GALNT16: variants seen among roughly 807,000 people sequenced by gnomAD.
GALNT16 encodes UDP-GalNAc:polypeptide N-acetylgalactosaminyltransferase-like protein 1.
GALNT16 carries 40 observed loss-of-function variants against 76.1 expected under a neutral mutation model. The ratio of observed to expected loss-of-function variants is 0.53; its 90% CI spans 0.41 to 0.68. GALNT16 has a LOEUF of 0.68. Ranked by LOEUF, GALNT16 falls within the 30% of genes least tolerant of loss-of-function variation. The pLI is 0.00. For missense variants in GALNT16, 621 were observed against 731.9 expected, an observed-to-expected ratio of 0.85 and a Z score of 1.75; for synonymous variants, 276 against 285.2, an observed-to-expected ratio of 0.97 and a Z score of 0.32.
At chr14:69,329,093 C>T (rs2045322010) in intron 6 of GALNT16, among the ~76,000 whole-genome samples, 1 of 152,186 alleles carries the variant, frequency 6.6e-6, no homozygotes, top group South Asian at 2.1e-4. Flanking sequence ...AGCGGTGGCT[C>T]ACCCCTGTAA....
chr14:69,285,047 T>TC, intron 1 of GALNT16, among the ~76,000 whole-genome samples: 1 of 149,598 alleles, frequency 6.7e-6, no homozygotes, highest in East Asian at 2.0e-4. Flanking sequence ...ACTCTTTTTT[T>TC]TTTTTTTTTT....
downstream of GALNT16, among the ~76,000 whole-genome samples, chr14:69,361,677 G>A (rs1315665868): frequency 7.9e-5 from 12 of 152,132 alleles, no homozygotes; most frequent in Admixed American, 7.2e-4. Context: ...TCATCATTTT[G>A]CAGATGTAGA....
At chr14:69,343,642 C>T (rs1214361387) in intron 12 of GALNT16, among the ~76,000 whole-genome samples, 1 of 152,356 alleles carries the variant, frequency 6.6e-6, no homozygotes, top group East Asian at 1.9e-4. Flanking sequence ...AAAGAGCAGT[C>T]ACTTCTTTAC....
the GALNT16 span, among the ~76,000 whole-genome samples, chr14:69,374,927 CTA>C: frequency 6.6e-6 from 1 of 152,164 alleles, no homozygotes; most frequent in Admixed American, 6.5e-5. Context: ...CTCATGATAA[CTA>C]ACTCACTCCT....
At chr14:69,334,563 C>T (rs1196555958) in intron 9 of GALNT16, among the ~76,000 whole-genome samples, 1 of 152,142 alleles carries the variant, frequency 6.6e-6, no homozygotes, top group Non-Finnish European at 1.5e-5. Flanking sequence ...TAGAGGGAAC[C>T]ATAGGGACAG....
chr14:69,341,039 T>C (rs755233924), intron 11 of GALNT16, among the ~76,000 whole-genome samples: 1 of 152,230 alleles, frequency 6.6e-6, no homozygotes. Context: ...TTTCTTGTAA[T>C]GAGGAACTAA....
At chr14:69,274,521 T>C (rs940163990) in intron 1 of GALNT16, among the ~76,000 whole-genome samples, 11 of 152,272 alleles carry the variant, frequency 7.2e-5, no homozygotes, top group African/African-American at 2.4e-4. Context: ...CAAGTTGGCA[T>C]TGGCTGTTGG....
At chr14:69,267,827 G>T (rs1329159920) in intron 1 of GALNT16, among the ~76,000 whole-genome samples, 1 of 152,142 alleles carries the variant, frequency 6.6e-6, no homozygotes, top group Non-Finnish European at 1.5e-5. Flanking sequence ...TGAACTACAG[G>T]ATCTCGGCGG....
At chr14:69,300,504 T>G (rs947146259) in intron 1 of GALNT16, among the ~76,000 whole-genome samples, 4 of 152,208 alleles carry the variant, frequency 2.6e-5, no homozygotes, top group Non-Finnish European at 5.9e-5. Context: ...AAAACCACGC[T>G]TGCTTTTGCC....
At chr14:69,313,896 C>T (rs112879225) in intron 1 of GALNT16, among the ~76,000 whole-genome samples, 219 of 152,276 alleles carry the variant, frequency 1.4e-3, no homozygotes, top group African/African-American at 5.1e-3. Context: ...TTCCTGGGAA[C>T]GGGGTCAGAG....
chr14:69,270,022 C>G (rs555056383), intron 1 of GALNT16, among the ~76,000 whole-genome samples: 1 of 151,924 alleles, frequency 6.6e-6, no homozygotes, highest in Non-Finnish European at 1.5e-5. Context: ...TGATCAAGCC[C>G]GCCTTTGTCT....
At chr14:69,383,509 T>C in the GALNT16 span, among the ~76,000 whole-genome samples, 297 of 152,346 alleles carry the variant, frequency 1.9e-3, no homozygotes, top group African/African-American at 6.8e-3. Flanking sequence ...TTCTCCTGAA[T>C]ATTCAAAGAA....
chr14:69,321,149 C>T (rs565582999), intron 2 of GALNT16, among the ~76,000 whole-genome samples: 2 of 152,324 alleles, frequency 1.3e-5, no homozygotes, highest in Non-Finnish European at 2.9e-5. Flanking sequence ...CAAAGGAGGT[C>T]CGTGGCAGTG....
chr14:69,278,971 G>A (rs12436981), intron 1 of GALNT16, among the ~76,000 whole-genome samples: 16 of 148,706 alleles, frequency 1.1e-4, no homozygotes, highest in Admixed American at 8.1e-4. Flanking sequence ...CACTCTTGTC[G>A]CCGAGGCTGG....
chr14:69,338,340 G>T (rs779930487), intron 9 of GALNT16, among the ~76,000 whole-genome samples: 2 of 152,244 alleles, frequency 1.3e-5, no homozygotes, highest in Non-Finnish European at 2.9e-5. Context: ...GCCTGGAAAT[G>T]ATGCCACTGT....
At chr14:69,340,204 GTGTGCATGCA>G (rs759810108) in intron 11 of GALNT16, among the ~76,000 whole-genome samples, 4 of 152,162 alleles carry the variant, frequency 2.6e-5, no homozygotes, top group African/African-American at 4.8e-5. Flanking sequence ...GGGTGCATGT[GTGTGCATGCA>G]TGTACCTACA....
intron 12 of GALNT16, among the ~76,000 whole-genome samples, chr14:69,342,046 G>A (rs1334173878): frequency 6.6e-6 from 1 of 152,194 alleles, no homozygotes; most frequent in Non-Finnish European, 1.5e-5. Flanking sequence ...AGGCTGCAGA[G>A]ACATTCGTCC....
At chr14:69,265,364 G>A (rs2044329948) in intron 1 of GALNT16, among the ~76,000 whole-genome samples, 1 of 152,168 alleles carries the variant, frequency 6.6e-6, no homozygotes, top group Admixed American at 6.5e-5. Context: ...ATTTACCCCC[G>A]AGCTGCTCCG....
chr14:69,320,621 G>A, intron 1 of GALNT16, 90 bp from the exon 2 acceptor site: 1 of 1,189,492 alleles, frequency 8.4e-7, no homozygotes, highest in South Asian at 1.5e-5. Flanking sequence ...GAGGCCACGT[G>A]GCTGGCTCCC....
Sources: allele counts gnomAD v4.1 joint callset (sites outside exome capture counted in the v4.1 genomes callset), GRCh38; gene constraint gnomAD v4.1.1; transcripts MANE v1.5; gene names NCBI Gene and HGNC (gene_info 2026-07-23, HGNC 2026-07-21).